Variants in SVIL observed in about 807,000 individuals in gnomAD.
SVIL encodes archvillin.
A neutral mutation model predicts 240.4 loss-of-function variants in SVIL; 101 were observed. The ratio of observed to expected loss-of-function variants is 0.42; its 90% confidence interval spans 0.36 to 0.50. SVIL has a LOEUF of 0.50. Ranked by LOEUF, SVIL falls within the 20% of genes least tolerant of loss-of-function variation. The probability of loss-of-function intolerance (pLI) is 0.01; values close to 1 mark genes in which losing one functional copy is unlikely to be tolerated. For missense variants in SVIL, 2,512 were observed against 2,818.7 expected (o/e 0.89, Z 2.46); for synonymous variants, 999 against 1,100.0 (o/e 0.91, Z 1.82).
At chr10:29,549,836 C>T (rs1349121846) in intron 6 of SVIL, among the ~76,000 whole-genome samples, 3 of 121,056 alleles carry the variant, frequency 2.5e-5, no homozygotes, top group African/African-American at 6.6e-5. Flanking sequence ...AACACATGGA[C>T]ACAGGAAGGG....
At chr10:29,543,905 G>T (rs1031740228) in intron 6 of SVIL, among the ~76,000 whole-genome samples, 1 of 152,160 alleles carries the variant, frequency 6.6e-6, no homozygotes, top group Non-Finnish European at 1.5e-5. Context: ...AGGGTTATTG[G>T]GGACCAGAAT....
At chr10:29,662,049 T>C (rs1959168728) in intron 2 of SVIL, among the ~76,000 whole-genome samples, 1 of 152,170 alleles carries the variant, frequency 6.6e-6, no homozygotes, top group South Asian at 2.1e-4. Flanking sequence ...CTTATCCCTC[T>C]TCACCAAGCA....
chr10:29,473,673 G>C, intron 30 of SVIL, 165 bp downstream of exon 30: 1 of 798,576 alleles, frequency 1.3e-6, no homozygotes, highest in Non-Finnish European at 1.9e-6. Flanking sequence ...AGAAATGGGA[G>C]GCACAGCCTG....
Position 29,569,368 on chromosome 10 carries a change from C to T in SVIL, c.-200-56G>A, listed in dbSNP as rs146405114. The T allele has an allele frequency of 4.2e-5, 38 of 902,326 alleles. No individual in the cohort carries two copies. In the African/African-American group the frequency reaches 4.9e-4, roughly 12 times the overall value. The allele number at this position is 902,326 out of a possible 1,614,324, so 55.9% of individuals were successfully genotyped here. The stretch of plus-strand genomic sequence containing the variant: ...ATAGTTATGCAAATTGTTAAAAATC[C>T]GGTGAGAAAAAACTCTCCAAACTGC... On this transcript the variant is annotated intron_variant, in intron 1 of 37. Transcript: ENST00000355867.
intron 1 of SVIL, among the ~76,000 whole-genome samples, chr10:29,726,545 G>A (rs1407570355): frequency 1.3e-5 from 2 of 152,024 alleles, no homozygotes; most frequent in Non-Finnish European, 1.5e-5. Flanking sequence ...TCAGGAGTTC[G>A]AGACCAGACT....
At chr10:29,609,369 G>A (rs1402676438) in intron 1 of SVIL, among the ~76,000 whole-genome samples, 1 of 152,200 alleles carries the variant, frequency 6.6e-6, no homozygotes, top group Non-Finnish European at 1.5e-5. Context: ...CTCTGCTGGT[G>A]CTGAGTGGCC....
At chr10:29,578,404 G>A (rs12411518) in intron 1 of SVIL, among the ~76,000 whole-genome samples, 18,718 of 152,084 alleles carry the variant, frequency 0.12, 1,272 homozygotes, top group Non-Finnish European at 0.15. Flanking sequence ...AATGAATGGC[G>A]CCTATGGCTC....
In SVIL at chr10:29,493,217, G is replaced by C. The variant is rs377161756; in HGVS notation, c.4016C>G (p.Pro1339Arg). The C allele has an allele frequency of 6.2e-7, 1 of 1,613,510 alleles. No individual in the cohort carries two copies. The highest frequency in any genetic ancestry group is 2.2e-5 in the East Asian group (1 of 44,840). The change falls in exon 21 of 38, where the codon CCC becomes CGC. Residue 1339 changes from proline (P) to arginine (R), a missense_variant. This residue lies in a region of SVIL where 272 missense variants were observed against 406.8 expected (regional missense o/e 0.67). Transcript: ENST00000355867. The stretch of plus-strand genomic sequence containing the variant: ...GACGGAGACCCAAATAACTCACTTG[G>C]GTGCATAAGGATCGAAAATGACATC... ...DFDVIFDPYA[P>R]KLTSSVAEHK...
chr10:29,462,015 T>A (rs1944318452), intron 36 of SVIL, among the ~76,000 whole-genome samples: 1 of 152,236 alleles, frequency 6.6e-6, no homozygotes, highest in Non-Finnish European at 1.5e-5. Flanking sequence ...ACATATATAG[T>A]CCTCAACATG....
At chr10:29,539,542 G>T (rs1017032349) in intron 6 of SVIL, among the ~76,000 whole-genome samples, 11 of 152,178 alleles carry the variant, frequency 7.2e-5, no homozygotes, top group Non-Finnish European at 1.5e-4. Flanking sequence ...AAATGAGAGA[G>T]GGATGAGGAG....
chr10:29,655,438 C>T (rs1369224577), intron 3 of SVIL, among the ~76,000 whole-genome samples: 1 of 152,134 alleles, frequency 6.6e-6, no homozygotes, highest in African/African-American at 2.4e-5. Context: ...GAAACAGAGC[C>T]AGAAGACCCA....
intron 1 of SVIL, among the ~76,000 whole-genome samples, chr10:29,582,731 C>CTAATAATAATAA (rs61441935): frequency 0.011 from 1,529 of 142,780 alleles, 20 homozygotes; most frequent in African/African-American, 0.023. Flanking sequence ...GACCCTGTCT[C>CTAATAATAATAA]TAATAATAAT....
intron 21 of SVIL, among the ~76,000 whole-genome samples, chr10:29,492,525 C>G (rs1169623492): frequency 6.6e-6 from 1 of 151,984 alleles, no homozygotes; most frequent in African/African-American, 2.4e-5. Context: ...GTGGCTGAGC[C>G]GGCAAACCCC....
chr10:29,458,361 G>A (rs1037155033), intron 37 of SVIL, 28 bp from the exon 38 acceptor site: 18 of 1,612,480 alleles, frequency 1.1e-5, no homozygotes, highest in Non-Finnish European at 1.3e-5. Context: ...AGCGCCCCGC[G>A]GCTCAGTGAA....
intron 3 of SVIL, among the ~76,000 whole-genome samples, chr10:29,657,104 C>T (rs1357553734): frequency 6.6e-6 from 1 of 152,160 alleles, no homozygotes; most frequent in East Asian, 1.9e-4. Context: ...AAAACCCAAG[C>T]CACTGAGCTG....
intron 1 of SVIL, among the ~76,000 whole-genome samples, chr10:29,601,442 A>G (rs1016784149): frequency 6.6e-6 from 1 of 152,230 alleles, no homozygotes; most frequent in African/African-American, 2.4e-5. Context: ...TGAACTATCC[A>G]TATTCTTTCA....
chr10:29,546,471 T>A (rs904909511), intron 6 of SVIL, among the ~76,000 whole-genome samples: 10 of 152,210 alleles, frequency 6.6e-5, no homozygotes, highest in Non-Finnish European at 7.3e-5. Context: ...AACTATTTTT[T>A]AAAAAATCTT....
intron 1 of SVIL, among the ~76,000 whole-genome samples, chr10:29,694,383 A>G (rs1961760514): frequency 6.6e-6 from 1 of 152,118 alleles, no homozygotes; most frequent in Non-Finnish European, 1.5e-5. Context: ...CCTGGATGAC[A>G]GAGTACAACC....
intron 1 of SVIL, among the ~76,000 whole-genome samples, chr10:29,696,146 G>C (rs1426774071): frequency 6.6e-6 from 1 of 151,818 alleles, no homozygotes; most frequent in East Asian, 2.0e-4. Context: ...TGGGGACGGG[G>C]TTTCGCTGTG....
Sources: allele counts gnomAD v4.1 joint callset (sites outside exome capture counted in the v4.1 genomes callset), GRCh38; gene constraint gnomAD v4.1.1; regional missense constraint gnomAD v4.1.1; transcripts MANE v1.5; gene names NCBI Gene and HGNC (gene_info 2026-07-23, HGNC 2026-07-21).